Variants in QTMAN observed in about 807,000 individuals in gnomAD.
The protein encoded by QTMAN is tRNA-queuosine alpha-mannosyltransferase.
chr2:144,159,597 G>A, the QTMAN span, among the ~76,000 whole-genome samples: 1 of 152,086 alleles, frequency 6.6e-6, no homozygotes, highest in African/African-American at 2.4e-5. Flanking sequence ...ATGAAGTAAA[G>A]AACAGTGAGA....
At chr2:144,101,019 G>T in the QTMAN span, among the ~76,000 whole-genome samples, 1 of 151,718 alleles carries the variant, frequency 6.6e-6, no homozygotes, top group East Asian at 1.9e-4. Context: ...ACAGGCACCT[G>T]CCACCACGCT....
chr2:143,992,347 AAG>A, the QTMAN span, among the ~76,000 whole-genome samples: 1 of 147,104 alleles, frequency 6.8e-6, no homozygotes, highest in Non-Finnish European at 1.5e-5. Flanking sequence ...CATGCTCGTT[AAG>A]AGTCATCACC....
At chr2:144,046,159 C>T in the QTMAN span, among the ~76,000 whole-genome samples, 7 of 152,102 alleles carry the variant, frequency 4.6e-5, no homozygotes, top group African/African-American at 1.7e-4. Flanking sequence ...CTAACACTAT[C>T]AAATAACAAC....
At chr2:143,991,645 G>A in the QTMAN span, among the ~76,000 whole-genome samples, 8 of 135,552 alleles carry the variant, frequency 5.9e-5, no homozygotes, top group African/African-American at 2.2e-4. Context: ...GGGAAGTGAG[G>A]AGCCCCTCTG....
At chr2:144,281,108 C>T in the QTMAN span, among the ~76,000 whole-genome samples, 1 of 134,356 alleles carries the variant, frequency 7.4e-6, no homozygotes, top group Admixed American at 8.2e-5. Context: ...CTTCCTGTGT[C>T]CATGTGTTCT....
chr2:144,194,224 GATT>G, the QTMAN span, among the ~76,000 whole-genome samples: 2 of 152,164 alleles, frequency 1.3e-5, no homozygotes, highest in African/African-American at 4.8e-5. Context: ...ACTCCTGGAA[GATT>G]ATTATCTCAT....
chr2:144,287,213 G>A, the QTMAN span, among the ~76,000 whole-genome samples: 1 of 152,140 alleles, frequency 6.6e-6, no homozygotes, highest in Non-Finnish European at 1.5e-5. Flanking sequence ...AAAGCGGGCG[G>A]ATCACAAGGT....
chr2:144,318,624 G>A, the QTMAN span, among the ~76,000 whole-genome samples: 1 of 152,210 alleles, frequency 6.6e-6, no homozygotes, highest in East Asian at 1.9e-4. Context: ...GCAGGATGGC[G>A]ATGTTAGTTG....
At chr2:144,108,465 C>T in the QTMAN span, among the ~76,000 whole-genome samples, 130 of 152,166 alleles carry the variant, frequency 8.5e-4, 1 homozygote, top group Non-Finnish European at 1.5e-3. Context: ...TGGTGAAACC[C>T]TGTCTCTACT....
At chr2:144,048,596 T>C in the QTMAN span, among the ~76,000 whole-genome samples, 2 of 152,212 alleles carry the variant, frequency 1.3e-5, no homozygotes, top group Non-Finnish European at 2.9e-5. Context: ...GTATATATCA[T>C]GGATAACATC....
the QTMAN span, among the ~76,000 whole-genome samples, chr2:144,238,729 C>A: frequency 6.6e-6 from 1 of 152,130 alleles, no homozygotes; most frequent in Non-Finnish European, 1.5e-5. Context: ...TCCAACCCTA[C>A]CAACTATCCC....
the QTMAN span, among the ~76,000 whole-genome samples, chr2:144,066,640 AC>A: frequency 6.6e-6 from 1 of 152,078 alleles, no homozygotes; most frequent in African/African-American, 2.4e-5. Context: ...ACATAATGAA[AC>A]CCTGTCTGTA....
chr2:144,050,214 A>C, the QTMAN span, among the ~76,000 whole-genome samples: 1 of 152,222 alleles, frequency 6.6e-6, no homozygotes, highest in East Asian at 1.9e-4. Context: ...CTATGTAGAC[A>C]ATAAGGTAAA....
the QTMAN span, among the ~76,000 whole-genome samples, chr2:144,203,665 T>C: frequency 6.6e-6 from 1 of 152,152 alleles, no homozygotes. Context: ...TGTCTGGCCC[T>C]CCAGCCTCCA....
At chr2:144,253,038 C>G in the QTMAN span, among the ~76,000 whole-genome samples, 1 of 152,068 alleles carries the variant, frequency 6.6e-6, no homozygotes, top group African/African-American at 2.4e-5. Context: ...GTGGGAGGAG[C>G]CTGGTGGGAG....
the QTMAN span, among the ~76,000 whole-genome samples, chr2:144,216,964 G>GA: frequency 6.6e-6 from 1 of 151,836 alleles, no homozygotes; most frequent in Admixed American, 6.6e-5. Context: ...TAACAGAGAA[G>GA]AAAAAAAGAC....
At chr2:144,126,367 A>C in the QTMAN span, among the ~76,000 whole-genome samples, 8 of 151,988 alleles carry the variant, frequency 5.3e-5, no homozygotes, top group African/African-American at 1.9e-4. Flanking sequence ...ACAGACTCAG[A>C]GATCAGGACT....
the QTMAN span, among the ~76,000 whole-genome samples, chr2:144,218,171 T>G: frequency 6.6e-6 from 1 of 152,248 alleles, no homozygotes; most frequent in African/African-American, 2.4e-5. Flanking sequence ...TACTTCTTCC[T>G]ATCACTCATT....
chr2:144,235,033 T>C, the QTMAN span, among the ~76,000 whole-genome samples: 1 of 152,168 alleles, frequency 6.6e-6, no homozygotes, highest in Admixed American at 6.6e-5. Context: ...AATGCATTAT[T>C]TTGCTCCTCG....
Sources: gnomAD v4.1 joint callset for allele counts (sites outside exome capture counted in the v4.1 genomes callset) on GRCh38, gnomAD v4.1.1 for gene constraint, MANE v1.5 for transcripts, NCBI Gene and HGNC (gene_info 2026-07-23, HGNC 2026-07-21) for gene names.